Variants in ATP10B observed in about 807,000 individuals in gnomAD.
ATP10B encodes the protein phospholipid-transporting ATPase VB.
ATP10B carries 122 observed loss-of-function variants against 141.2 expected under a neutral mutation model. The observed-to-expected ratio is 0.86, with a 90% CI of 0.75 to 1.00. ATP10B has a LOEUF of 1.00. Among genes scored for constraint, ATP10B ranks in the 50% least tolerant of loss-of-function variants. ATP10B has a pLI of 0.00. For synonymous variants in ATP10B, 685 were observed against 692.0 expected (o/e 0.99, Z 0.16); for missense variants, 1,876 against 1,825.3 (o/e 1.03, Z -0.51).
At chr5:160,831,273 G>A (rs1016978239) in intron 1 of ATP10B, among the ~76,000 whole-genome samples, 2 of 151,964 alleles carry the variant, frequency 1.3e-5, no homozygotes, top group Non-Finnish European at 2.9e-5. Flanking sequence ...AATTAATGGT[G>A]ACTCTACCTA....
At chr5:160,593,965 CA>C (rs1756504873) in intron 22 of ATP10B, among the ~76,000 whole-genome samples, 1 of 152,194 alleles carries the variant, frequency 6.6e-6, no homozygotes, top group Non-Finnish European at 1.5e-5. Context: ...AAACACTCTG[CA>C]GGATATTATC....
At chr5:160,906,044 A>G in the ATP10B span, among the ~76,000 whole-genome samples, 1 of 152,120 alleles carries the variant, frequency 6.6e-6, no homozygotes, top group Non-Finnish European at 1.5e-5. Flanking sequence ...GCTATTATAC[A>G]CAGAAATATG....
chr5:160,620,408 A>G lies in ATP10B; in HGVS notation c.2355T>C (p.Ile785=). ...AGTCAGCACCCTTGGTGTAGACAAC[A>G]ATCTCGCCAGTCAGTGGGTGCCTCA... The part of the protein sequence containing the change: ...VVVRHPLTGE[I]VVYTKGADSV... The change falls in exon 15 of 26, where the codon ATT becomes ATC. Residue 785 remains isoleucine, a synonymous_variant. Transcript: ENST00000327245. 6.2e-7 allele frequency: 1 copy of G among 1,614,174 alleles called. No homozygotes were observed. Among genetic ancestry groups the G allele is most frequent in the Non-Finnish European group, 8.5e-7 (1 of 1,180,020 alleles).
chr5:160,639,799 T>G (rs923326436), intron 10 of ATP10B, among the ~76,000 whole-genome samples: 1 of 152,198 alleles, frequency 6.6e-6, no homozygotes, highest in African/African-American at 2.4e-5. Context: ...ATTATTACAT[T>G]GTAATATATA....
chr5:160,584,786 C>CT (rs1245967955), intron 24 of ATP10B, among the ~76,000 whole-genome samples: 2 of 152,066 alleles, frequency 1.3e-5, no homozygotes, highest in Non-Finnish European at 2.9e-5. Context: ...GGTAGTTAAC[C>CT]TTATAGAGTT....
chr5:160,635,649 C>T (rs1759310743), intron 11 of ATP10B, among the ~76,000 whole-genome samples: 1 of 152,196 alleles, frequency 6.6e-6, no homozygotes, highest in South Asian at 2.1e-4. Context: ...ATTGTATTTT[C>T]TTAGAGACAC....
chr5:160,587,861 TG>T (rs1342567978), intron 24 of ATP10B, among the ~76,000 whole-genome samples: 1 of 152,196 alleles, frequency 6.6e-6, no homozygotes, highest in Non-Finnish European at 1.5e-5. Flanking sequence ...TCTTTTGAGA[TG>T]GAGTCCTGCT....
In ATP10B at chr5:160,640,527, G is replaced by A. The variant is rs754223933; in HGVS notation, c.934C>T (p.Arg312Cys). The A allele has an allele frequency of 3.4e-5, 55 of 1,614,072 alleles. No individual in the cohort carries two copies. The highest frequency in any genetic ancestry group is 3.0e-4 in the South Asian group (27 of 91,082). The change falls in exon 10 of 26, where the codon CGC becomes TGC. Residue 312 changes from arginine (R) to cysteine (C), a missense_variant. Physicochemically the swap from Arg to Cys is radical, Grantham distance 180. Transcript: ENST00000327245. ...CAGAAGAAGATGTCTATATTCATGC[G>A]CCGCTCAATCTTGCTGCGTTTGTAC... is the stretch of plus-strand genomic sequence containing the variant. ...PRYKRSKIER[R>C]MNIDIFFCIG...
chr5:160,678,892 C>T (rs114523543), intron 6 of ATP10B, among the ~76,000 whole-genome samples: 2,010 of 152,288 alleles, frequency 0.013, 38 homozygotes, highest in African/African-American at 0.045. Flanking sequence ...CCATGCCAAG[C>T]ATCCAGTAAG....
the ATP10B span, among the ~76,000 whole-genome samples, chr5:160,900,415 C>G: frequency 1.3e-5 from 2 of 152,170 alleles, no homozygotes; most frequent in Non-Finnish European, 2.9e-5. Context: ...CAAAACGATG[C>G]AGTGACAAGT....
intron 21 of ATP10B, among the ~76,000 whole-genome samples, chr5:160,601,627 T>C (rs1757102686): frequency 6.6e-6 from 1 of 152,192 alleles, no homozygotes; most frequent in South Asian, 2.1e-4. Flanking sequence ...ACACAACTTA[T>C]TGTTTGTATT....
intron 2 of ATP10B, among the ~76,000 whole-genome samples, chr5:160,750,673 A>G (rs948221311): frequency 2.0e-5 from 3 of 152,170 alleles, no homozygotes; most frequent in African/African-American, 7.2e-5. Context: ...CCTGCTTCAC[A>G]TGCTTTAATG....
chr5:160,607,221 T>A (rs1391778460), intron 18 of ATP10B, 135 bp from the exon 19 acceptor site: 8 of 777,944 alleles, frequency 1.0e-5, no homozygotes, highest in Non-Finnish European at 1.4e-5. Context: ...TTCTCCAATT[T>A]TTATATTTCT....
intron 6 of ATP10B, among the ~76,000 whole-genome samples, chr5:160,683,523 A>G (rs988894651): frequency 1.3e-5 from 2 of 152,304 alleles, no homozygotes; most frequent in Admixed American, 6.5e-5. Context: ...TCCCCTGGAG[A>G]AGAGAACCCC....
intron 1 of ATP10B, among the ~76,000 whole-genome samples, chr5:160,800,202 A>G (rs535281718): frequency 1.3e-5 from 2 of 152,324 alleles, no homozygotes; most frequent in African/African-American, 4.8e-5. Context: ...CTTGGAGTCC[A>G]CACCTCGGTT....
chr5:160,757,104 G>A (rs1449526196), intron 2 of ATP10B, among the ~76,000 whole-genome samples: 1 of 151,876 alleles, frequency 6.6e-6, no homozygotes, highest in Non-Finnish European at 1.5e-5. Flanking sequence ...GATCCATTTT[G>A]ATTTAATTTT....
chr5:160,873,378 G>C, the ATP10B span, among the ~76,000 whole-genome samples: 1 of 152,164 alleles, frequency 6.6e-6, no homozygotes, highest in Non-Finnish European at 1.5e-5. Flanking sequence ...CAATATCATA[G>C]TAGAAGTCCT....
At chr5:160,900,974 G>A in the ATP10B span, among the ~76,000 whole-genome samples, 4 of 135,232 alleles carry the variant, frequency 3.0e-5, no homozygotes, top group East Asian at 6.9e-4. Context: ...AGCAGGTGGC[G>A]CCTCATCTCT....
At chr5:160,575,227 C>G (rs1029647707) in intron 24 of ATP10B, among the ~76,000 whole-genome samples, 2 of 152,058 alleles carry the variant, frequency 1.3e-5, no homozygotes, top group African/African-American at 2.4e-5. Flanking sequence ...TTTTTACATT[C>G]ATATTTTGTT....
Sources: gnomAD v4.1 joint callset for allele counts (sites outside exome capture counted in the v4.1 genomes callset) on GRCh38, gnomAD v4.1.1 for gene constraint, MANE v1.5 for transcripts, NCBI Gene and HGNC (gene_info 2026-07-23, HGNC 2026-07-21) for gene names.